Variants in CAMKK2 observed in about 807,000 individuals in gnomAD.
The protein encoded by CAMKK2 is calcium/calmodulin dependent protein kinase kinase 2.
CAMKK2 carries 30 observed loss-of-function variants against 67.2 expected under a neutral mutation model. That is an observed-to-expected ratio of 0.45 (90% CI 0.33 to 0.61). The LOEUF (loss-of-function observed/expected upper bound fraction) is 0.61, where lower values mean the gene tolerates loss of function less well. CAMKK2 is among the 20% of genes least tolerant of loss of function. The probability of loss-of-function intolerance (pLI) is 0.02; values close to 1 mark genes in which losing one functional copy is unlikely to be tolerated. For synonymous variants in CAMKK2, 322 were observed against 326.2 expected (o/e 0.99, Z 0.14); for missense variants, 643 against 802.0 (o/e 0.80, Z 2.39).
chr12:121,266,642 C>G (rs1471185850), intron 5 of CAMKK2, among the ~76,000 whole-genome samples: 2 of 151,756 alleles, frequency 1.3e-5, no homozygotes, highest in Non-Finnish European at 2.9e-5. Flanking sequence ...ATTACAGGCA[C>G]CCACCATGCC....
intron 9 of CAMKK2, among the ~76,000 whole-genome samples, chr12:121,255,247 T>TCC (rs1891732017): frequency 2.7e-5 from 2 of 73,942 alleles, no homozygotes; most frequent in Non-Finnish European, 5.2e-5. Context: ...TATATATATA[T>TCC]AATTATATAT....
intron 13 of CAMKK2, among the ~76,000 whole-genome samples, chr12:121,249,210 GA>G (rs1890137742): frequency 6.6e-6 from 1 of 152,250 alleles, no homozygotes; most frequent in African/African-American, 2.4e-5. Flanking sequence ...CCCAATCCAT[GA>G]TTTTTTGGGC....
At chr12:121,271,797 T>C (rs1463034454) in intron 2 of CAMKK2, among the ~76,000 whole-genome samples, 1 of 152,088 alleles carries the variant, frequency 6.6e-6, no homozygotes, top group African/African-American at 2.4e-5. Context: ...AACCTCCGCC[T>C]CCCAGATTCA....
At chr12:121,257,371 C>T (rs1033055424) in intron 7 of CAMKK2, among the ~76,000 whole-genome samples, 4 of 151,982 alleles carry the variant, frequency 2.6e-5, no homozygotes, top group Non-Finnish European at 5.9e-5. Context: ...CTCAGCCTCC[C>T]GAGTAGCTGG....
intron 1 of CAMKK2, among the ~76,000 whole-genome samples, chr12:121,294,345 C>A (rs1278100405): frequency 6.6e-6 from 1 of 152,186 alleles, no homozygotes; most frequent in Non-Finnish European, 1.5e-5. Flanking sequence ...ATTTTGACAA[C>A]CAAAAGTCGC....
Position 121,274,344 on chromosome 12 carries a change from G to A in CAMKK2, c.183C>T (p.Gly61=). The change falls in exon 2 of 17, where the codon GGC becomes GGT. Residue 61 remains glycine, a synonymous_variant. Coordinates refer to ENST00000404169, the MANE Select transcript of CAMKK2 (RefSeq NM_001270485.2). ...GCGCCAAGCCGAGGTCCACAGCACA[G>A]CCCGGCTCACACTCGGTGACCACAA... ...SFIVVTECEP[G]CAVDLGLARD... is the part of the protein sequence containing the mutation. 6.2e-7 allele frequency: 1 copy of A among 1,613,480 alleles called. No individual in the cohort carries two copies. The highest frequency in any genetic ancestry group is 8.5e-7 in the Non-Finnish European group (1 of 1,179,878).
At chr12:121,269,778 G>A (rs1349367761) in intron 3 of CAMKK2, 197 bp from the exon 4 acceptor site, 3 of 566,882 alleles carry the variant, frequency 5.3e-6, no homozygotes, top group Non-Finnish European at 9.5e-6. Flanking sequence ...GCGGAGCGCA[G>A]TGGCTCATAC....
At chr12:121,261,375 G>A (rs1893416257) in intron 6 of CAMKK2, among the ~76,000 whole-genome samples, 1 of 152,200 alleles carries the variant, frequency 6.6e-6, no homozygotes, top group African/African-American at 2.4e-5. Flanking sequence ...TAGCACCAGT[G>A]AGTCGAGATT....
At position 121,263,660 on chromosome 12, in the gene CAMKK2, A is replaced by G. The variant is rs540332318; in HGVS notation, c.759+146T>C. On this transcript the variant is annotated intron_variant, in intron 6 of 16. Coordinates refer to ENST00000404169, the MANE Select transcript of CAMKK2 (RefSeq NM_001270485.2). Reference sequence around the variant, plus strand: ...GAAAAAATAGTTAATGTGAGTAACAAATACTCTTAGGGAGCAGTAAATACA... The same window carrying G: ...GAAAAAATAGTTAATGTGAGTAACAGATACTCTTAGGGAGCAGTAAATACA... The G allele has an allele frequency of 1.2e-5, 7 of 571,042 alleles. No individual in the cohort carries two copies. In the Admixed American group the frequency reaches 1.8e-4, roughly 15 times the overall value. 35.4% of individuals were successfully genotyped at this position (571,042 alleles called of 1,614,324 possible).
intron 5 of CAMKK2, among the ~76,000 whole-genome samples, chr12:121,264,480 C>T (rs11611698): frequency 0.071 from 10,743 of 151,954 alleles, 510 homozygotes; most frequent in Non-Finnish European, 0.11. Flanking sequence ...CTATAAAAAT[C>T]ACAAAAAATT....
At chr12:121,255,293 TATATATAATTTTATATATAATTTTA>T (rs1408996765) in intron 9 of CAMKK2, among the ~76,000 whole-genome samples, 1 of 70,042 alleles carries the variant, frequency 1.4e-5, no homozygotes, top group Non-Finnish European at 2.6e-5. Context: ...TATATAATTA[TATATATAATTTTATATATAATTTTA>T]TATATATATA....
chr12:121,257,521 T>C (rs1224900911), intron 7 of CAMKK2, among the ~76,000 whole-genome samples: 1 of 152,166 alleles, frequency 6.6e-6, no homozygotes, highest in African/African-American at 2.4e-5. Context: ...GTGCTGGGGT[T>C]ACAGGCAAAA....
chr12:121,247,991 C>G (rs1889850185), intron 14 of CAMKK2, among the ~76,000 whole-genome samples: 1 of 152,178 alleles, frequency 6.6e-6, no homozygotes, highest in Non-Finnish European at 1.5e-5. Flanking sequence ...TCTCTTGGAG[C>G]TAACTGCCCT....
At chr12:121,287,976 A>T (rs1402819359) in intron 1 of CAMKK2, among the ~76,000 whole-genome samples, 3 of 152,186 alleles carry the variant, frequency 2.0e-5, no homozygotes, top group Non-Finnish European at 4.4e-5. Flanking sequence ...TGTCTCGAAA[A>T]TTTTTAAATT....
intron 6 of CAMKK2, 162 bp from the exon 7 acceptor site, chr12:121,260,517 C>A (rs1207100762): frequency 4.5e-6 from 3 of 662,454 alleles, no homozygotes; most frequent in Non-Finnish European, 8.1e-6. Flanking sequence ...ATAGGGAAAA[C>A]CCCCAGAGTG....
chr12:121,277,722 C>T (rs554146066), intron 1 of CAMKK2, among the ~76,000 whole-genome samples: 1 of 152,258 alleles, frequency 6.6e-6, no homozygotes, highest in Non-Finnish European at 1.5e-5. Flanking sequence ...ATCCCAACAC[C>T]TTGGGAGGCC....
rs202150085 is a variant in CAMKK2 at position 121,255,535 on chromosome 12, G to A, written c.907+15C>T. 7.9e-5 allele frequency: 126 copies of A among 1,599,030 alleles called. No homozygotes were observed. Among genetic ancestry groups the A allele is most frequent in the Non-Finnish European group, 9.0e-5 (105 of 1,171,236 alleles). ...CTACCCACTGGGTGAGAGCCCTCCC[G>A]CAGGCCCTGCTCACAGTACTCGATG... On this transcript the variant is annotated intron_variant, in intron 9 of 16. Coordinates refer to ENST00000404169, the MANE Select transcript of CAMKK2 (RefSeq NM_001270485.2).
chr12:121,260,394 C>A (rs199751026), intron 6 of CAMKK2, 39 bp from the exon 7 acceptor site: 1 of 1,596,656 alleles, frequency 6.3e-7, no homozygotes, highest in Non-Finnish European at 8.6e-7. Context: ...AGACGGATGG[C>A]GGGGGAGAAA....
In CAMKK2 at chr12:121,240,630, A is replaced by G. The variant is rs1182894016; in HGVS notation, c.*69T>C. ...CTGGGTTTCCGTAGGACATGCTGCT[A>G]TGGAAACGCGGTGCAGCAGCCCCCC... On this transcript the variant is annotated 3_prime_UTR_variant, in exon 17 of 17. Transcript: ENST00000404169. This position sits in a 1 kb window ranked among gnomAD's most constrained non-coding sequence, Gnocchi z 4.4. 3.9e-6 allele frequency: 6 copies of G among 1,535,910 alleles called. No homozygotes were observed. Among genetic ancestry groups the G allele is most frequent in the Admixed American group, 2.0e-5 (1 of 49,514 alleles).
Sources: gnomAD v4.1 joint callset for allele counts (sites outside exome capture counted in the v4.1 genomes callset) on GRCh38, gnomAD v4.1.1 for gene constraint, Gnocchi (gnomAD v3.1) non-coding constraint, MANE v1.5 for transcripts, NCBI Gene and HGNC (gene_info 2026-07-23, HGNC 2026-07-21) for gene names.